The following AGBL4 variants were observed in gnomAD, a reference collection of about 807,000 sequenced individuals.
AGBL4 encodes cytosolic carboxypeptidase 6.
A neutral mutation model predicts 66.4 loss-of-function variants in AGBL4; 58 were observed. That is an observed-to-expected ratio of 0.87 (90% CI 0.71 to 1.09). The LOEUF is 1.09. Among genes scored for constraint, AGBL4 ranks in the 50% least tolerant of loss-of-function variants. The pLI is 0.00. For synonymous variants in AGBL4, 234 were observed against 222.9 expected, an observed-to-expected ratio of 1.05 and a Z score of -0.44; for missense variants, 579 against 631.0, an observed-to-expected ratio of 0.92 and a Z score of 0.88.
chr1:49,568,487 T>TCACA (rs71059555), intron 3 of AGBL4, among the ~76,000 whole-genome samples: 21,317 of 131,090 alleles, frequency 0.16, 1,940 homozygotes, highest in East Asian at 0.36. Context: ...AAATAAGTGA[T>TCACA]CACACACACA....
intron 4 of AGBL4, among the ~76,000 whole-genome samples, chr1:49,123,424 T>C (rs1332608479): frequency 6.6e-6 from 1 of 152,102 alleles, no homozygotes; most frequent in East Asian, 1.9e-4. Flanking sequence ...AGAGAAAAAA[T>C]ACACAGAAAA....
At chr1:48,572,018 T>C (rs939350902) in intron 11 of AGBL4, among the ~76,000 whole-genome samples, 1 of 152,114 alleles carries the variant, frequency 6.6e-6, no homozygotes, top group Admixed American at 6.5e-5. Flanking sequence ...AAAAGCTCAA[T>C]AGGTATTACA....
intron 3 of AGBL4, among the ~76,000 whole-genome samples, chr1:49,468,508 A>C (rs1646674601): frequency 6.6e-6 from 1 of 151,836 alleles, no homozygotes; most frequent in South Asian, 2.1e-4. Flanking sequence ...TGAAAATCAC[A>C]ATCACAGGAT....
At chr1:49,986,066 C>A (rs1050311618) in intron 1 of AGBL4, among the ~76,000 whole-genome samples, 6 of 152,090 alleles carry the variant, frequency 3.9e-5, no homozygotes, top group Non-Finnish European at 8.8e-5. Context: ...ATTTTTAACT[C>A]TTTTTATGTA....
intron 6 of AGBL4, among the ~76,000 whole-genome samples, chr1:48,678,695 TG>T (rs1646407560): frequency 6.6e-6 from 1 of 152,216 alleles, no homozygotes; most frequent in Admixed American, 6.5e-5. Context: ...GGTGCAAATG[TG>T]GCAATAACAA....
intron 6 of AGBL4, among the ~76,000 whole-genome samples, chr1:48,725,203 ACTC>A (rs1647215109): frequency 3.9e-5 from 6 of 152,036 alleles, no homozygotes; most frequent in Admixed American, 2.6e-4. Flanking sequence ...TATAGGGAAT[ACTC>A]TTATCCTTTA....
chr1:49,358,365 C>T (rs1199373367), intron 3 of AGBL4, among the ~76,000 whole-genome samples: 7 of 151,728 alleles, frequency 4.6e-5, no homozygotes, highest in Non-Finnish European at 1.0e-4. Context: ...CTTATGGGTA[C>T]ACTCTCGTGT....
chr1:49,931,393 G>A (rs763447112), intron 1 of AGBL4, among the ~76,000 whole-genome samples: 54 of 152,142 alleles, frequency 3.5e-4, no homozygotes, highest in South Asian at 1.2e-3. Context: ...TTGACTCACA[G>A]TTCTGAATGG....
intron 4 of AGBL4, among the ~76,000 whole-genome samples, chr1:49,121,603 T>C (rs1362900237): frequency 6.6e-6 from 1 of 152,122 alleles, no homozygotes; most frequent in Non-Finnish European, 1.5e-5. Flanking sequence ...GGCAGCAACC[T>C]ATATGAGGTG....
At chr1:49,241,729 G>A (rs898959810) in intron 4 of AGBL4, among the ~76,000 whole-genome samples, 4 of 151,904 alleles carry the variant, frequency 2.6e-5, no homozygotes, top group Admixed American at 2.6e-4. Context: ...GGGAGAAAAA[G>A]AAGAAATAAT....
chr1:49,282,826 G>A (rs1001777316), intron 3 of AGBL4, among the ~76,000 whole-genome samples: 3 of 152,124 alleles, frequency 2.0e-5, no homozygotes, highest in Non-Finnish European at 4.4e-5. Flanking sequence ...CTTAAAAAAC[G>A]GCGCACCAAG....
At chr1:49,173,393 A>C (rs532858136) in intron 4 of AGBL4, among the ~76,000 whole-genome samples, 57 of 152,308 alleles carry the variant, frequency 3.7e-4, no homozygotes, top group African/African-American at 1.3e-3. Context: ...AAAAGAGTAG[A>C]GCTAGAATTT....
chr1:48,860,622 A>G (rs1322304450), intron 6 of AGBL4, among the ~76,000 whole-genome samples: 3 of 152,216 alleles, frequency 2.0e-5, no homozygotes, highest in Non-Finnish European at 4.4e-5. Flanking sequence ...GCTCTCATCC[A>G]TTGTAGGTAT....
chr1:49,365,072 G>A (rs1644218162), intron 3 of AGBL4, among the ~76,000 whole-genome samples: 1 of 152,166 alleles, frequency 6.6e-6, no homozygotes, highest in East Asian at 1.9e-4. Flanking sequence ...ATTATTGTTA[G>A]TAATTGTTAT....
At chr1:50,007,131 A>C (rs1408808049) in intron 1 of AGBL4, among the ~76,000 whole-genome samples, 1 of 152,198 alleles carries the variant, frequency 6.6e-6, no homozygotes, top group African/African-American at 2.4e-5. Flanking sequence ...TTGTTTATGC[A>C]ATCAGTGTTA....
intron 6 of AGBL4, among the ~76,000 whole-genome samples, chr1:48,757,980 A>G (rs1235664816): frequency 1.3e-5 from 2 of 152,154 alleles, no homozygotes; most frequent in East Asian, 3.9e-4. Flanking sequence ...ATATTCTAAA[A>G]GCATTTTTCT....
intron 1 of AGBL4, among the ~76,000 whole-genome samples, chr1:50,001,576 T>G (rs1359384526): frequency 6.6e-6 from 1 of 151,898 alleles, no homozygotes; most frequent in Non-Finnish European, 1.5e-5. Context: ...TTGCAAATTT[T>G]AGGAGCTACG....
At chr1:49,875,386 T>A (rs1571770226) in intron 1 of AGBL4, among the ~76,000 whole-genome samples, 1 of 132,778 alleles carries the variant, frequency 7.5e-6, no homozygotes, top group East Asian at 2.4e-4. Context: ...AATTCCCACC[T>A]ATGAGTGAGA....
intron 3 of AGBL4, among the ~76,000 whole-genome samples, chr1:49,369,166 G>A (rs1644294076): frequency 6.6e-6 from 1 of 152,082 alleles, no homozygotes; most frequent in Non-Finnish European, 1.5e-5. Context: ...AGCACACAAA[G>A]GTTTGCTGAA....
Sources: gnomAD v4.1 joint callset for allele counts (sites outside exome capture counted in the v4.1 genomes callset) on GRCh38, gnomAD v4.1.1 for gene constraint, MANE v1.5 for transcripts, NCBI Gene and HGNC (gene_info 2026-07-23, HGNC 2026-07-21) for gene names.